ATP2B2: variants seen among roughly 807,000 people sequenced by gnomAD.
The protein encoded by ATP2B2 is plasma membrane calcium-transporting ATPase 2.
Under a neutral mutation model 120.0 loss-of-function variants are expected in ATP2B2, and 15 were observed. The ratio of observed to expected loss-of-function variants is 0.12; its 90% CI spans 0.08 to 0.19. The LOEUF is 0.19. Among genes scored for constraint, ATP2B2 ranks in the 10% least tolerant of loss-of-function variants. The pLI, the probability that ATP2B2 is intolerant of heterozygous loss-of-function variation, is 1.00. For missense variants in ATP2B2, 1,045 were observed against 1,719.8 expected (o/e 0.61, Z 6.94); for synonymous variants, 694 against 700.3 (o/e 0.99, Z 0.14).
intron 2 of ATP2B2, among the ~76,000 whole-genome samples, chr3:10,584,096 A>T (rs1167808156): frequency 6.6e-6 from 1 of 152,072 alleles, no homozygotes; most frequent in Non-Finnish European, 1.5e-5. Flanking sequence ...AGCCAAAGAA[A>T]CTTGCGAGGA....
chr3:10,668,885 G>A (rs971438253), intron 1 of ATP2B2, among the ~76,000 whole-genome samples: 12 of 152,174 alleles, frequency 7.9e-5, no homozygotes, highest in Admixed American at 6.5e-5. Context: ...CACAGTAGGC[G>A]CTCAGTGGAT....
chr3:10,520,820 A>C (rs2066971425), intron 3 of ATP2B2, among the ~76,000 whole-genome samples: 1 of 135,744 alleles, frequency 7.4e-6, no homozygotes, highest in African/African-American at 2.8e-5. Context: ...TTCTATTTTG[A>C]TTTGTATTGG....
chr3:10,558,477 C>T (rs544454603), intron 2 of ATP2B2, among the ~76,000 whole-genome samples: 9 of 152,258 alleles, frequency 5.9e-5, no homozygotes, highest in African/African-American at 2.2e-4. Context: ...ACTTTTACCA[C>T]CACGCAAGGA....
rs555064625 is a variant in ATP2B2 at position 10,683,794 on chromosome 3, A to G, written c.-460+24121T>C. On this transcript the variant is annotated intron_variant, in intron 1 of 21. Transcript: ENST00000646379. ...TATATATATATATATATATATATAT[A>G]TATATATATATGTAAAGAGACAGGG... Among the ~76,000 whole-genome samples the G allele has an allele frequency of 2.4e-4, 30 of 125,988 alleles. 2 individuals are homozygous for G. The highest frequency in any genetic ancestry group is 1.3e-3 in the South Asian group (5 of 3,710). 82.7% of individuals were successfully genotyped at this position (125,988 alleles called of 152,430 possible).
At chr3:10,697,993 G>A (rs966317812) in intron 1 of ATP2B2, among the ~76,000 whole-genome samples, 1 of 152,188 alleles carries the variant, frequency 6.6e-6, no homozygotes, top group Non-Finnish European at 1.5e-5. Flanking sequence ...CGTACAGTTG[G>A]GGCAGATGGT....
intron 5 of ATP2B2, among the ~76,000 whole-genome samples, chr3:10,397,418 T>C (rs1232040476): frequency 2.0e-5 from 3 of 152,174 alleles, no homozygotes; most frequent in Non-Finnish European, 4.4e-5. Flanking sequence ...TGAGATGGTT[T>C]GTGCAGTGCA....
Position 10,351,007 on chromosome 3 carries a change from T to A in ATP2B2, c.2137-430A>T, listed in dbSNP as rs188178420. 9.2e-4 allele frequency among the ~76,000 whole-genome samples: 140 copies of A among 152,320 alleles called. 1 individual carries two copies. The highest frequency in any genetic ancestry group is 3.3e-3 in the African/African-American group (137 of 41,568). On this transcript the variant is annotated intron_variant, in intron 14 of 22. Coordinates refer to ENST00000360273, the MANE Select transcript of ATP2B2 (RefSeq NM_001001331.4). ...ACATAGTTCCTGCAAACTTGACAGATCTATTTGTGTATTTTCAGTTTCTTG... is the reference window on the plus strand; with the variant it reads ...ACATAGTTCCTGCAAACTTGACAGAACTATTTGTGTATTTTCAGTTTCTTG...
intron 2 of ATP2B2, among the ~76,000 whole-genome samples, chr3:10,603,562 G>A (rs933159181): frequency 6.6e-6 from 1 of 152,150 alleles, no homozygotes; most frequent in African/African-American, 2.4e-5. Context: ...GTGCAGGTAA[G>A]AGCCCTCTTG....
chr3:10,697,286 T>G (rs541275259), intron 1 of ATP2B2, among the ~76,000 whole-genome samples: 29 of 152,170 alleles, frequency 1.9e-4, no homozygotes, highest in Non-Finnish European at 3.7e-4. Flanking sequence ...TCACAGCCCC[T>G]TTGCAGAAGG....
intron 8 of ATP2B2, among the ~76,000 whole-genome samples, chr3:10,384,284 A>G (rs928534179): frequency 2.0e-5 from 3 of 152,014 alleles, no homozygotes; most frequent in African/African-American, 7.3e-5. Flanking sequence ...TGGATGAGAA[A>G]CCCACAGCCC....
Position 10,340,203 on chromosome 3 carries a change from C to A in ATP2B2, c.3237+39G>T. The stretch of plus-strand genomic sequence containing the variant: ...TCCATCCAGTGCTGTCTCCCTTGCC[C>A]TGCTAACAGGCACCTCCTGCGACCT... On this transcript the variant is annotated intron_variant, in intron 21 of 22. Transcript: ENST00000360273. This position sits in a 1 kb window ranked among gnomAD's most constrained non-coding sequence, Gnocchi z 5.0. 1.3e-6 allele frequency: 2 copies of A among 1,598,096 alleles called. No individual in the cohort carries two copies. Among genetic ancestry groups the A allele is most frequent in the South Asian group, 1.1e-5 (1 of 90,460 alleles).
At chr3:10,330,684 C>A (rs921060637) in intron 22 of ATP2B2, among the ~76,000 whole-genome samples, 1 of 152,246 alleles carries the variant, frequency 6.6e-6, no homozygotes, top group Non-Finnish European at 1.5e-5. Flanking sequence ...CGTGGGGAGG[C>A]CCCTGAAGTC....
intron 1 of ATP2B2, among the ~76,000 whole-genome samples, chr3:10,504,695 T>C (rs906670551): frequency 5.9e-5 from 9 of 152,184 alleles, no homozygotes; most frequent in Non-Finnish European, 1.2e-4. Context: ...TGCTGCATTT[T>C]CCCATCCTGA....
chr3:10,502,884 T>C (rs1163046604), intron 1 of ATP2B2, among the ~76,000 whole-genome samples: 1 of 152,240 alleles, frequency 6.6e-6, no homozygotes, highest in African/African-American at 2.4e-5. Context: ...CCTGGTGGCC[T>C]GCCTTCTACC....
At chr3:10,623,381 A>T (rs1464621904) in intron 1 of ATP2B2, among the ~76,000 whole-genome samples, 1 of 152,142 alleles carries the variant, frequency 6.6e-6, no homozygotes, top group Non-Finnish European at 1.5e-5. Context: ...TTGATCAACA[A>T]CCAAACAAGG....
chr3:10,520,539 G>A (rs1231195420), intron 3 of ATP2B2, among the ~76,000 whole-genome samples: 2 of 151,956 alleles, frequency 1.3e-5, no homozygotes, highest in African/African-American at 2.4e-5. Context: ...GCACAATCTC[G>A]GCTCACTGCA....
chr3:10,472,425 G>T (rs1240629068), intron 1 of ATP2B2, among the ~76,000 whole-genome samples: 1 of 152,246 alleles, frequency 6.6e-6, no homozygotes. Context: ...GGGGGACGCT[G>T]CGGGGCAGGG....
chr3:10,374,592 C>T (rs1575051978), intron 11 of ATP2B2, among the ~76,000 whole-genome samples: 2 of 152,338 alleles, frequency 1.3e-5, no homozygotes, highest in Non-Finnish European at 2.9e-5. Context: ...AAGCCCTACG[C>T]CCGGCCCTTC....
chr3:10,463,023 C>T (rs919454288), intron 1 of ATP2B2, among the ~76,000 whole-genome samples: 2 of 152,162 alleles, frequency 1.3e-5, no homozygotes, highest in African/African-American at 4.8e-5. Flanking sequence ...TCCTTGGATC[C>T]AGAATGGTCT....
Sources: gnomAD v4.1 joint callset for allele counts (sites outside exome capture counted in the v4.1 genomes callset) on GRCh38, gnomAD v4.1.1 for gene constraint, Gnocchi (gnomAD v3.1) non-coding constraint, MANE v1.5 for transcripts, NCBI Gene and HGNC (gene_info 2026-07-23, HGNC 2026-07-21) for gene names.